TAF1: variants seen among roughly 807,000 people sequenced by gnomAD.
TAF1 encodes the protein transcription initiation factor TFIID subunit 1.
Under a neutral mutation model 138.5 loss-of-function variants are expected in TAF1, and 2 were observed. The observed-to-expected ratio is 0.01, with a 90% CI of 0.01 to 0.05. The LOEUF (loss-of-function observed/expected upper bound fraction) is 0.05. Ranked by LOEUF, TAF1 falls within the 10% of genes least tolerant of loss-of-function variation. The pLI is 1.00. For missense variants in TAF1, 709 were observed against 1,478.0 expected (o/e 0.48, Z 8.53); for synonymous variants, 437 against 503.2 (o/e 0.87, Z 1.76).
chrX:71,397,522 G>C (rs749656314), intron 23 of TAF1, 56 bp downstream of exon 23: 16 of 1,176,984 alleles, frequency 1.4e-5, no homozygotes, highest in Admixed American at 8.9e-5. Flanking sequence ...CTTGCTCTGC[G>C]GCCCAGGTGG....
At chrX:71,450,801 G>A (rs778666789) in intron 32 of TAF1, among the ~76,000 whole-genome samples, 38 of 112,594 alleles carry the variant, frequency 3.4e-4, no homozygotes, top group Non-Finnish European at 6.6e-4. Context: ...ATAAGTGAAT[G>A]ATCAGTATAT....
intron 5 of TAF1, 54 bp from the exon 6 acceptor site, chrX:71,377,548 CT>C (rs1290496621): frequency 6.9e-6 from 8 of 1,162,930 alleles, no homozygotes; most frequent in Non-Finnish European, 9.2e-6. Context: ...CCAGATGCTG[CT>C]GTTTTCCCAT....
At chrX:71,503,681 A>T (rs1457651918) in intron 13 of TAF1, among the ~76,000 whole-genome samples, 1 of 109,866 alleles carries the variant, frequency 9.1e-6, no homozygotes, top group African/African-American at 3.3e-5. Context: ...AATGCTTTGT[A>T]TATGTGGTGT....
intron 37 of TAF1, among the ~76,000 whole-genome samples, chrX:71,461,853 T>G (rs1413149439): frequency 9.0e-6 from 1 of 111,372 alleles, no homozygotes; most frequent in Non-Finnish European, 1.9e-5. Context: ...AGGGTTTTTC[T>G]AGGACTTGGG....
At chrX:71,481,810 G>A (rs939959498) in intron 13 of TAF1, among the ~76,000 whole-genome samples, 1 of 112,007 alleles carries the variant, frequency 8.9e-6, no homozygotes, top group Admixed American at 9.5e-5. Context: ...GCCTGCCTCG[G>A]CCTCCCAAAG....
At chrX:71,383,799 G>A (rs774504043) in intron 12 of TAF1, among the ~76,000 whole-genome samples, 163 bp from the exon 13 acceptor site, 2 of 112,271 alleles carry the variant, frequency 1.8e-5, no homozygotes, top group African/African-American at 3.2e-5. Context: ...ATGGAGGGCC[G>A]ACTGTACTAT....
At chrX:71,428,586 G>A (rs2148641103) in intron 32 of TAF1, among the ~76,000 whole-genome samples, 1 of 112,176 alleles carries the variant, frequency 8.9e-6, no homozygotes, top group East Asian at 2.8e-4. Flanking sequence ...TACTTACCAT[G>A]TGGTAAGATT....
At chrX:71,385,491 T>C (rs2034157941) in intron 14 of TAF1, among the ~76,000 whole-genome samples, 1 of 111,399 alleles carries the variant, frequency 9.0e-6, no homozygotes, top group Non-Finnish European at 1.9e-5. Context: ...TTTCCCTCCT[T>C]TGTTCTAATG....
At chrX:71,392,097 A>G (rs2148367319) in intron 18 of TAF1, among the ~76,000 whole-genome samples, 1 of 111,994 alleles carries the variant, frequency 8.9e-6, no homozygotes, top group East Asian at 2.8e-4. Flanking sequence ...GTCACTGGAA[A>G]AGGGGCCAAT....
downstream of TAF1, among the ~76,000 whole-genome samples, chrX:71,467,962 A>T (rs2038800207): frequency 8.9e-6 from 1 of 112,321 alleles, no homozygotes; most frequent in South Asian, 3.7e-4. Flanking sequence ...CATCAAGAGC[A>T]TTAAGTTTTC....
chrX:71,454,615 T>C (rs2038200091), intron 33 of TAF1, 126 bp from the exon 34 acceptor site: 1 of 570,211 alleles, frequency 1.8e-6, no homozygotes, highest in East Asian at 3.7e-5. Flanking sequence ...TTTATTTTGA[T>C]TATTATCTGT....
In TAF1 at chrX:71,367,592, G is replaced by T; in HGVS notation, c.214G>T (p.Gly72Cys). Residue 72 changes from glycine to cysteine, a missense_variant, in exon 2 of 38, where the codon GGT (glycine) becomes TGT (cysteine). Physicochemically the swap from Gly to Cys is radical, Grantham distance 159. Coordinates refer to ENST00000423759, the MANE Select transcript of TAF1 (RefSeq NM_004606.5). ...TANEELTGTD[G>C]ALVNDEGWVR... ...AAATGAAGAATTGACCGGGACTGAC[G>T]GTGCCTTGGTAAATGATGAAGGTGA... is the stretch of plus-strand genomic sequence containing the variant. 2 of 1,211,630 alleles carry T rather than the reference G, an allele frequency of 1.7e-6. No individual in the cohort carries two copies. Among genetic ancestry groups the T allele is most frequent in the South Asian group, 3.5e-5 (2 of 56,983 alleles).
intron 3 of TAF1, among the ~76,000 whole-genome samples, chrX:71,369,931 G>A (rs1238608826): frequency 2.7e-5 from 3 of 109,268 alleles, no homozygotes; most frequent in African/African-American, 9.9e-5. Context: ...GTGTTTCAAA[G>A]ATAATGAAGT....
downstream of TAF1, among the ~76,000 whole-genome samples, chrX:71,469,672 T>C (rs2038844794): frequency 9.1e-6 from 1 of 110,188 alleles, no homozygotes; most frequent in Non-Finnish European, 1.9e-5. Flanking sequence ...CCGGAACAAA[T>C]ACATTAATAA....
At chrX:71,492,101 GT>G (rs893455329) in intron 13 of TAF1, 2 of 113,264 alleles carry the variant, frequency 1.8e-5, no homozygotes, top group Non-Finnish European at 1.9e-5. Context: ...TATAAGCCCT[GT>G]TTTTTTTCTG....
chrX:71,401,864 G>T, intron 25 of TAF1, 125 bp downstream of exon 25: 1 of 657,836 alleles, frequency 1.5e-6, no homozygotes, highest in South Asian at 2.8e-5. Context: ...AATTTTGATG[G>T]CGTTTCCTCA....
intron 13 of TAF1, among the ~76,000 whole-genome samples, chrX:71,384,502 C>T (rs867731233): frequency 9.1e-6 from 1 of 110,433 alleles, no homozygotes; most frequent in Middle Eastern, 4.6e-3. Flanking sequence ...CCTCCACCTC[C>T]TGGGTTTGGG....
At chrX:71,508,927 C>T (rs1474407143) in intron 13 of TAF1, among the ~76,000 whole-genome samples, 1 of 109,677 alleles carries the variant, frequency 9.1e-6, no homozygotes, top group Non-Finnish European at 1.9e-5. Context: ...CCACCTCAGC[C>T]TCCTGAGTAG....
chrX:71,407,704 G>C (rs775980922), intron 27 of TAF1, 32 bp downstream of exon 27: 12 of 1,160,439 alleles, frequency 1.0e-5, no homozygotes, highest in Non-Finnish European at 1.4e-5. Context: ...TCTATAGTAG[G>C]GATGTCAAGG....
Sources: allele counts gnomAD v4.1 joint callset (sites outside exome capture counted in the v4.1 genomes callset), GRCh38; gene constraint gnomAD v4.1.1; transcripts MANE v1.5; gene names NCBI Gene and HGNC (gene_info 2026-07-23, HGNC 2026-07-21).